Variants in FBH1 observed in about 807,000 individuals in gnomAD.
FBH1 encodes the protein F-box DNA helicase 1, also known as DNA 3'-5' helicase 1.
A neutral mutation model predicts 115.5 loss-of-function variants in FBH1; 43 were observed. The observed-to-expected ratio is 0.37, with a 90% CI of 0.29 to 0.48. FBH1 has a LOEUF of 0.48. FBH1 is among the 20% of genes least tolerant of loss of function. The pLI, the probability that FBH1 is intolerant of heterozygous loss-of-function variation, is 0.99. For synonymous variants in FBH1, 524 were observed against 507.8 expected (o/e 1.03, Z -0.43); for missense variants, 1,001 against 1,337.3 (o/e 0.75, Z 3.92).
intron 18 of FBH1, among the ~76,000 whole-genome samples, chr10:5,926,699 C>T (rs1013244062): frequency 6.6e-6 from 1 of 152,162 alleles, no homozygotes; most frequent in Admixed American, 6.5e-5. Flanking sequence ...ACTATAGTAC[C>T]ACCTTTTCCC....
At position 5,917,244 on chromosome 10, in the gene FBH1, ACC is replaced by A. The variant is rs1337599530; in HGVS notation, c.1789-174_1789-173del. ...GCTGCTTCCTGTCTCAGCACTGGAG[ACC>A]CTCTGGCGTGGAGAGGCTGTTGAGG... On this transcript the variant is annotated intron_variant, in intron 10 of 20. Coordinates refer to ENST00000362091, the MANE Select transcript of FBH1 (RefSeq NM_178150.3). This position sits in a 1 kb window ranked among gnomAD's most constrained non-coding sequence, Gnocchi z 5.6. 4 of 608,482 alleles carry A rather than the reference ACC, an allele frequency of 6.6e-6. No homozygotes were observed. The highest frequency in any genetic ancestry group is 1.2e-5 in the Non-Finnish European group (4 of 336,350). 37.7% of individuals were successfully genotyped at this position (608,482 alleles called of 1,614,324 possible).
In FBH1 at chr10:5,925,512, T is replaced by C; in HGVS notation, c.2722+20T>C. The C allele has an allele frequency of 6.2e-7, 1 of 1,612,780 alleles. No homozygotes were observed. The highest frequency in any genetic ancestry group is 8.5e-7 in the Non-Finnish European group (1 of 1,179,802). On this transcript the variant is annotated intron_variant, in intron 18 of 20. Transcript: ENST00000362091. This position sits in a 1 kb window ranked among gnomAD's most constrained non-coding sequence, Gnocchi z 4.6. ...GAGTTGGTAAGAGGCCGCCGGGTAG[T>C]GTCAGGTGCTGCTGTATGTAGTGAG... is the stretch of plus-strand genomic sequence containing the variant.
At chr10:5,937,002 C>A in intron 20 of FBH1, 108 bp from the exon 21 acceptor site, 1 of 1,274,500 alleles carries the variant, frequency 7.8e-7, no homozygotes, top group Non-Finnish European at 1.1e-6. Flanking sequence ...CATCAGAATC[C>A]AAATGCGTTG....
intron 1 of FBH1, among the ~76,000 whole-genome samples, chr10:5,896,871 A>G (rs1254929185): frequency 6.6e-6 from 1 of 152,134 alleles, no homozygotes; most frequent in Non-Finnish European, 1.5e-5. Context: ...AGAGGGAGGC[A>G]TACCATGAGC....
rs968524014 is a variant in FBH1, at chr10:5,900,434, C to A, written c.2-2586C>A. On this transcript the variant is annotated intron_variant, in intron 1 of 20. Coordinates refer to ENST00000362091, the MANE Select transcript of FBH1 (RefSeq NM_178150.3). The surrounding 1 kb of genome is among the most constrained non-coding windows in gnomAD (Gnocchi z 4.2). ...TGGCCAGCTGAGGGTGCCAGCCCAGCCCTCCCGCCAGGCCCTCGCCGGCTC... is the reference window on the plus strand; with the variant it reads ...TGGCCAGCTGAGGGTGCCAGCCCAGACCTCCCGCCAGGCCCTCGCCGGCTC... 6.6e-6 allele frequency among the ~76,000 whole-genome samples: 1 copy of A among 152,346 alleles called. No homozygotes were observed. Among genetic ancestry groups the A allele is most frequent in the East Asian group, 1.9e-4 (1 of 5,186 alleles).
In FBH1 at chr10:5,909,267, C is replaced by T. The variant is rs1831411320; in HGVS notation, c.993C>T (p.His331=). Residue 331 remains histidine, a synonymous_variant, in exon 5 of 21, where the codon CAC becomes CAT. Coordinates refer to ENST00000362091, the MANE Select transcript of FBH1 (RefSeq NM_178150.3). This position sits in a 1 kb window ranked among gnomAD's most constrained non-coding sequence, Gnocchi z 4.4. ...AGGCTGAGGCGTGTGTGCGGCAACA[C>T]CTCCCCGACCTCTACGCTGCTGCCG... ...LPEAEACVRQ[H]LPDLYAAAGG... The T allele has an allele frequency of 1.2e-6, 2 of 1,611,582 alleles. No homozygotes were observed. The highest frequency in any genetic ancestry group is 1.7e-6 in the Non-Finnish European group (2 of 1,180,008).
Position 5,908,985 on chromosome 10 carries a change from A to C in FBH1, c.814A>C (p.Lys272Gln). Residue 272 changes from lysine to glutamine, a missense_variant, in exon 4 of 21, where the codon AAA becomes CAA. Lys to Gln is a moderately conservative substitution (Grantham distance 53, BLOSUM62 1). Coordinates refer to ENST00000362091, the MANE Select transcript of FBH1 (RefSeq NM_178150.3). ...YLMNEEQAVS[K>Q]VDGILSNCGI... The stretch of plus-strand genomic sequence containing the variant: ...GATGAATGAAGAGCAAGCTGTCAGC[A>C]AAGTGGACGGCATCCTGTCTAACTG... 8 of 1,614,240 alleles carry C rather than the reference A, an allele frequency of 5.0e-6. No homozygotes were observed. Among genetic ancestry groups the C allele is most frequent in the Non-Finnish European group, 6.8e-6 (8 of 1,180,044 alleles).
In FBH1 at chr10:5,924,721, C is replaced by G. The variant is rs1333038757; in HGVS notation, c.2596+213C>G. 1 of 614,530 alleles carries G rather than the reference C, an allele frequency of 1.6e-6. No homozygotes were observed. Among genetic ancestry groups the G allele is most frequent in the African/African-American group, 1.8e-5 (1 of 55,210 alleles). 38.1% of individuals were successfully genotyped at this position (614,530 alleles called of 1,614,324 possible). The stretch of plus-strand genomic sequence containing the variant: ...TAGCTGGGACTACAGGCCCCACCAC[C>G]AGCCCGGCTAGTTTGTGTATTTTTT... On this transcript the variant is annotated intron_variant, in intron 17 of 20. Transcript: ENST00000362091. The surrounding 1 kb of genome is among the most constrained non-coding windows in gnomAD (Gnocchi z 6.2).
Position 5,919,704 on chromosome 10 carries a change from C to CTG in FBH1, c.2100+1229_2100+1230dup, listed in dbSNP as rs1351710879. 3.3e-5 allele frequency among the ~76,000 whole-genome samples: 5 copies of CTG among 152,314 alleles called. No homozygotes were observed. In the East Asian group the frequency reaches 7.7e-4, roughly 24 times the overall value. On this transcript the variant is annotated intron_variant, in intron 13 of 20. Coordinates refer to ENST00000362091, the MANE Select transcript of FBH1 (RefSeq NM_178150.3). ...TGTCTCACTTGGATGAAAGTATCAA[C>CTG]TGTGCTGTGTTTTGTGATGTTATTG...
intron 9 of FBH1, 147 bp from the exon 10 acceptor site, chr10:5,916,087 C>G (rs1322474939): frequency 1.4e-6 from 1 of 692,986 alleles, no homozygotes; most frequent in African/African-American, 1.8e-5. Context: ...ATGGACCATG[C>G]AGAACTTTTT....
At chr10:5,893,857 G>A (rs1007937613) in intron 1 of FBH1, 12 of 362,548 alleles carry the variant, frequency 3.3e-5, no homozygotes, top group Admixed American at 2.6e-4. Flanking sequence ...TAGCAGATAC[G>A]TAAAAGTAGT....
In FBH1 at chr10:5,906,763, A is replaced by G. The variant is rs1843718188; in HGVS notation, c.753+131A>G. ...TTCAGAAGACATTCAGACTCCTTAG[A>G]GGCATTTAAGGCCTTCCGTGTCTGC... On this transcript the variant is annotated intron_variant, in intron 3 of 20. Transcript: ENST00000362091. The surrounding 1 kb of genome is among the most constrained non-coding windows in gnomAD (Gnocchi z 7.3). 1.9e-5 allele frequency: 13 copies of G among 693,448 alleles called. No individual in the cohort carries two copies. In the East Asian group the frequency reaches 3.5e-4, roughly 19 times the overall value. The allele number at this position is 693,448 out of a possible 1,614,324, so 43.0% of individuals were successfully genotyped here.
chr10:5,891,329 G>T (rs1842712468), intron 1 of FBH1, among the ~76,000 whole-genome samples: 1 of 152,318 alleles, frequency 6.6e-6, no homozygotes, highest in Non-Finnish European at 1.5e-5. Context: ...TACCAGCTTT[G>T]CTCAGGTTAT....
chr10:5,914,386 C>T lies in FBH1; in HGVS notation c.1396+117C>T, dbSNP rs916467461. 1 of 823,684 alleles carries T rather than the reference C, an allele frequency of 1.2e-6. No homozygotes were observed. The highest frequency in any genetic ancestry group is 2.3e-5 in the Admixed American group (1 of 43,646). 51.0% of individuals were successfully genotyped at this position (823,684 alleles called of 1,614,324 possible). A position where few individuals can be genotyped will look rare whatever the true frequency, so the allele number is the denominator to read the frequency against. ...CTGATCTGTCATCCAACTAATAATTCAATAACAGATCAAATAATCAATCTC... is the reference window on the plus strand; with the variant it reads ...CTGATCTGTCATCCAACTAATAATTTAATAACAGATCAAATAATCAATCTC... On this transcript the variant is annotated intron_variant, in intron 8 of 20. Transcript: ENST00000362091. The surrounding 1 kb of genome is among the most constrained non-coding windows in gnomAD (Gnocchi z 5.2).
chr10:5,896,237 A>G (rs1051345768), intron 1 of FBH1, among the ~76,000 whole-genome samples: 2 of 152,104 alleles, frequency 1.3e-5, no homozygotes, highest in Non-Finnish European at 2.9e-5. Flanking sequence ...GGACCTCACC[A>G]GGGCATGGAG....
In FBH1 at chr10:5,915,814, C is replaced by A. The variant is rs186035086; in HGVS notation, c.1565+243C>A. ...GGGGTGTTCTCATGGAAGTGAGGCA[C>A]AGAAAGTCAAAATGACTTGCTTAAA... is the stretch of plus-strand genomic sequence containing the variant. On this transcript the variant is annotated intron_variant, in intron 9 of 20. Transcript: ENST00000362091. The surrounding 1 kb of genome is among the most constrained non-coding windows in gnomAD (Gnocchi z 5.2). The A allele has an allele frequency of 1.1e-4, 58 of 530,560 alleles. No individual in the cohort carries two copies. The highest frequency in any genetic ancestry group is 3.1e-4 in the Admixed American group (9 of 29,306). 32.9% of individuals were successfully genotyped at this position (530,560 alleles called of 1,614,324 possible).
chr10:5,911,893 A>G lies in FBH1; in HGVS notation c.1211+765A>G, dbSNP rs115538333. On this transcript the variant is annotated intron_variant, in intron 6 of 20. Transcript: ENST00000362091. The surrounding 1 kb of genome is among the most constrained non-coding windows in gnomAD (Gnocchi z 5.4). ...AGTGTGGAGGAGGAACCGCCGTTTC[A>G]CAACTGTGGGGAGAGCAGTTCAGAG... Among the ~76,000 whole-genome samples the G allele has an allele frequency of 0.012, 1,790 of 152,252 alleles. 37 individuals are homozygous for G. Among genetic ancestry groups the G allele is most frequent in the African/African-American group, 0.041 (1,710 of 41,526 alleles).
intron 1 of FBH1, among the ~76,000 whole-genome samples, chr10:5,893,636 ACT>A (rs1258899132): frequency 2.0e-5 from 3 of 151,902 alleles, no homozygotes; most frequent in Admixed American, 6.6e-5. Flanking sequence ...AACTTGCCTA[ACT>A]CTATTTATGT....
chr10:5,931,275 G>A lies in FBH1; in HGVS notation c.2829+3734G>A, dbSNP rs1236603438. Among the ~76,000 whole-genome samples, 1 of 152,144 alleles carries A rather than the reference G, an allele frequency of 6.6e-6. No homozygotes were observed. Among genetic ancestry groups the A allele is most frequent in the Non-Finnish European group, 1.5e-5 (1 of 68,028 alleles). ...CATTACCTTGCTTTGTTGCACAACG[G>A]CACCTTTTTCTTTTTTCTTTTTAAC... is the stretch of plus-strand genomic sequence containing the variant. On this transcript the variant is annotated intron_variant, in intron 19 of 20. Transcript: ENST00000362091. The surrounding 1 kb of genome is among the most constrained non-coding windows in gnomAD (Gnocchi z 4.3).
Sources: allele counts gnomAD v4.1 joint callset (sites outside exome capture counted in the v4.1 genomes callset), GRCh38; gene constraint gnomAD v4.1.1; non-coding constraint Gnocchi (gnomAD v3.1); transcripts MANE v1.5; gene names NCBI Gene and HGNC (gene_info 2026-07-23, HGNC 2026-07-21).